TMEFF1: variants seen among roughly 807,000 people sequenced by gnomAD.
The protein encoded by TMEFF1 is tomoregulin-1.
TMEFF1 carries 20 observed loss-of-function variants against 47.5 expected under a neutral mutation model. The observed-to-expected ratio is 0.42, with a 90% confidence interval of 0.30 to 0.61. TMEFF1 has a LOEUF of 0.61. TMEFF1 is among the 20% of genes least tolerant of loss of function. The probability of loss-of-function intolerance (pLI) is 0.19; values close to 1 mark genes in which losing one functional copy is unlikely to be tolerated. For missense variants in TMEFF1, 411 were observed against 471.1 expected, an observed-to-expected ratio of 0.87 and a Z score of 1.18; for synonymous variants, 162 against 166.3, an observed-to-expected ratio of 0.97 and a Z score of 0.20.
chr9:100,525,638 T>C (rs1438415947), intron 5 of TMEFF1, among the ~76,000 whole-genome samples: 1 of 152,216 alleles, frequency 6.6e-6, no homozygotes, highest in Non-Finnish European at 1.5e-5. Context: ...TCATTGGTGA[T>C]TGAACTTAAC....
intron 9 of TMEFF1, among the ~76,000 whole-genome samples, chr9:100,574,352 T>C (rs1348087805): frequency 6.6e-6 from 1 of 151,976 alleles, no homozygotes; most frequent in Non-Finnish European, 1.5e-5. Context: ...GAAGGAAAAT[T>C]AAGGTAAAGT....
chr9:100,498,437 A>G (rs1837698369), intron 1 of TMEFF1, among the ~76,000 whole-genome samples: 1 of 152,126 alleles, frequency 6.6e-6, no homozygotes, highest in East Asian at 1.9e-4. Flanking sequence ...TTAAATAAGA[A>G]ATAGTAAGAT....
chr9:100,572,706 T>C lies in TMEFF1; in HGVS notation c.1058+30T>C, dbSNP rs768372512. 3.2e-6 allele frequency: 5 copies of C among 1,578,024 alleles called. No homozygotes were observed. The African/African-American group carries it at 6.8e-5, about 22-fold the overall frequency. On this transcript the variant is annotated intron_variant, in intron 9 of 9. Transcript: ENST00000374879. ...GTAATGATGTAAGAAATATCAACTT[T>C]AAATTAGAGGCAGGCAACTGTTTAT...
At chr9:100,556,523 G>C (rs1838917892) in intron 7 of TMEFF1, among the ~76,000 whole-genome samples, 1 of 152,110 alleles carries the variant, frequency 6.6e-6, no homozygotes, top group South Asian at 2.1e-4. Context: ...ATAGAGGGGA[G>C]AGGGTAAACA....
At chr9:100,480,622 T>C (rs1564261315) in intron 1 of TMEFF1, among the ~76,000 whole-genome samples, 1 of 152,060 alleles carries the variant, frequency 6.6e-6, no homozygotes, top group African/African-American at 2.4e-5. Context: ...GAAAGGAAAA[T>C]GGACATTGTA....
intron 7 of TMEFF1, among the ~76,000 whole-genome samples, chr9:100,559,871 T>A (rs887224940): frequency 2.0e-5 from 3 of 152,178 alleles, no homozygotes; most frequent in Non-Finnish European, 4.4e-5. Context: ...ATATATACAC[T>A]TTGAGGAAAA....
At chr9:100,555,879 A>G (rs1447975811) in intron 7 of TMEFF1, among the ~76,000 whole-genome samples, 1 of 152,202 alleles carries the variant, frequency 6.6e-6, no homozygotes, top group African/African-American at 2.4e-5. Flanking sequence ...TTTAGTCCTC[A>G]TAACAACCAA....
rs1838110765 is a variant in TMEFF1 at position 100,518,564 on chromosome 9, A to G, written c.560+1793A>G. ...GTCAGGCAAGGAAATTGATGCAACA[A>G]GAGGAAAATACGAAGGAAGCAGTTG... On this transcript the variant is annotated intron_variant, in intron 5 of 9. Transcript: ENST00000374879. 8 of 927,720 alleles carry G rather than the reference A, an allele frequency of 8.6e-6. No individual in the cohort carries two copies. In the South Asian group the frequency reaches 2.0e-4, roughly 23 times the overall value. The allele number at this position is 927,720 out of a possible 1,614,324, so 57.5% of individuals were successfully genotyped here.
chr9:100,513,587 C>T (rs1435834644), intron 4 of TMEFF1, among the ~76,000 whole-genome samples: 1 of 152,086 alleles, frequency 6.6e-6, no homozygotes, highest in Non-Finnish European at 1.5e-5. Flanking sequence ...CCATGCACTC[C>T]TTAGCCATCA....
intron 1 of TMEFF1, among the ~76,000 whole-genome samples, chr9:100,477,749 C>T (rs1564260382): frequency 6.6e-6 from 1 of 151,472 alleles, no homozygotes; most frequent in Non-Finnish European, 1.5e-5. Context: ...CCTCAAGCCT[C>T]CCGAGTAGCT....
intron 2 of TMEFF1, among the ~76,000 whole-genome samples, chr9:100,505,930 T>C (rs1837852495): frequency 6.6e-6 from 1 of 152,238 alleles, no homozygotes; most frequent in Admixed American, 6.5e-5. Context: ...CATTGACTTA[T>C]GTAGACATCA....
chr9:100,545,651 C>CA (rs988122297), intron 5 of TMEFF1, among the ~76,000 whole-genome samples: 7 of 152,146 alleles, frequency 4.6e-5, no homozygotes, highest in African/African-American at 1.7e-4. Context: ...AATTTCTTCT[C>CA]AAAAAATGGG....
rs549616043 is a variant in TMEFF1 at position 100,515,502 on chromosome 9, C to G, written c.464-1173C>G. On this transcript the variant is annotated intron_variant, in intron 4 of 9. Coordinates refer to ENST00000374879, the MANE Select transcript of TMEFF1 (RefSeq NM_003692.5). ...CACTATCTTTATTATAAGACACCCC[C>G]TGAGGCCGGGTGTGGTGGCTCATGC... Among the ~76,000 whole-genome samples the G allele has an allele frequency of 1.1e-4, 16 of 152,170 alleles. No homozygotes were observed. In the East Asian group the frequency reaches 2.9e-3, roughly 28 times the overall value.
intron 1 of TMEFF1, among the ~76,000 whole-genome samples, chr9:100,474,037 C>A (rs10819783): frequency 0.78 from 118,682 of 151,312 alleles, 46,685 homozygotes; most frequent in Admixed American, 0.85. Context: ...AGCGGCCGGC[C>A]GGGGCTCCCG....
intron 8 of TMEFF1, among the ~76,000 whole-genome samples, chr9:100,572,193 A>T (rs1839253096): frequency 6.6e-6 from 1 of 152,204 alleles, no homozygotes; most frequent in Non-Finnish European, 1.5e-5. Flanking sequence ...AAAGGAGTAA[A>T]TCTTTGTGGC....
At chr9:100,571,495 A>G (rs56354846) in intron 8 of TMEFF1, among the ~76,000 whole-genome samples, 6,663 of 152,268 alleles carry the variant, frequency 0.044, 308 homozygotes, top group South Asian at 0.21. Flanking sequence ...CATGATAACT[A>G]TATGAGGTAA....
chr9:100,529,289 A>AG (rs1215500874), intron 5 of TMEFF1, among the ~76,000 whole-genome samples: 1 of 151,560 alleles, frequency 6.6e-6, no homozygotes, highest in Non-Finnish European at 1.5e-5. Context: ...TAAAAGACAC[A>AG]GACTGGCAAA....
At chr9:100,480,574 A>G (rs1043702974) in intron 1 of TMEFF1, among the ~76,000 whole-genome samples, 2 of 152,172 alleles carry the variant, frequency 1.3e-5, no homozygotes, top group African/African-American at 2.4e-5. Flanking sequence ...TTCCCAGAAA[A>G]CACTGCAAGT....
intron 5 of TMEFF1, among the ~76,000 whole-genome samples, chr9:100,534,024 A>T (rs1443117472): frequency 6.6e-6 from 1 of 152,062 alleles, no homozygotes; most frequent in African/African-American, 2.4e-5. Context: ...GCCTTTATCT[A>T]TTCTTTTGAG....
Sources: gnomAD v4.1 joint callset for allele counts (sites outside exome capture counted in the v4.1 genomes callset) on GRCh38, gnomAD v4.1.1 for gene constraint, MANE v1.5 for transcripts, NCBI Gene and HGNC (gene_info 2026-07-23, HGNC 2026-07-21) for gene names.